NRG2: variants seen among roughly 807,000 people sequenced by gnomAD.
NRG2 encodes neuregulin 2.
In NRG2, 27 loss-of-function variants were observed where a neutral mutation model predicts 73.9. The observed-to-expected ratio is 0.37, with a 90% confidence interval of 0.27 to 0.50. NRG2 has a LOEUF of 0.50. NRG2 is among the 20% of genes least tolerant of loss of function. The pLI is 0.96. For synonymous variants in NRG2, 532 were observed against 541.0 expected, an observed-to-expected ratio of 0.98 and a Z score of 0.23; for missense variants, 1,126 against 1,210.1, an observed-to-expected ratio of 0.93 and a Z score of 1.03.
intron 1 of NRG2, among the ~76,000 whole-genome samples, chr5:140,013,795 G>A (rs1274340401): frequency 6.6e-6 from 1 of 152,068 alleles, no homozygotes. Flanking sequence ...CATCTAACTT[G>A]ACCCCTCAGC....
At chr5:139,958,956 AC>A (rs1469662181) in intron 1 of NRG2, among the ~76,000 whole-genome samples, 1 of 152,208 alleles carries the variant, frequency 6.6e-6, no homozygotes, top group Non-Finnish European at 1.5e-5. Flanking sequence ...CCCAGGCCCC[AC>A]AGCAAGCTTT....
intron 1 of NRG2, among the ~76,000 whole-genome samples, chr5:139,942,694 A>G (rs1753490717): frequency 6.6e-6 from 1 of 152,214 alleles, no homozygotes; most frequent in South Asian, 2.1e-4. Flanking sequence ...CAGCTCTTTG[A>G]ACAACTATTT....
chr5:139,988,843 G>A (rs555589928), intron 1 of NRG2, among the ~76,000 whole-genome samples: 6 of 151,998 alleles, frequency 3.9e-5, no homozygotes, highest in South Asian at 2.1e-4. Context: ...TACCACTCTC[G>A]TGGGGGATAT....
chr5:139,987,627 G>A (rs1229178903), intron 1 of NRG2, among the ~76,000 whole-genome samples: 1 of 152,154 alleles, frequency 6.6e-6, no homozygotes, highest in African/African-American at 2.4e-5. Context: ...TTTGAATGTA[G>A]AAAAGGACAG....
At chr5:140,011,747 C>T (rs1484453666) in intron 1 of NRG2, among the ~76,000 whole-genome samples, 4 of 152,176 alleles carry the variant, frequency 2.6e-5, no homozygotes, top group African/African-American at 9.7e-5. Flanking sequence ...GTGAAAGTCC[C>T]TAGACTGGAG....
At chr5:139,861,835 A>C (rs191440023) in intron 5 of NRG2, 1 of 475,710 alleles carries the variant, frequency 2.1e-6, no homozygotes, top group East Asian at 6.3e-5. Flanking sequence ...TGGAGAGCTC[A>C]CATTGTTTGG....
rs941434403 is a variant in NRG2, at chr5:139,856,818, C to G, written c.1190-1040G>C. Among the ~76,000 whole-genome samples the G allele has an allele frequency of 5.3e-5, 8 of 152,178 alleles. No homozygotes were observed. Among genetic ancestry groups the G allele is most frequent in the African/African-American group, 1.9e-4 (8 of 41,442 alleles). On this transcript the variant is annotated intron_variant, in intron 5 of 9. Transcript: ENST00000361474. This position sits in a 1 kb window ranked among gnomAD's most constrained non-coding sequence, Gnocchi z 4.2. ...CACACACCTGCACACACAACATATG[C>G]ACACACACAGAGTTAACCACACACT...
chr5:139,924,124 G>T (rs897249027), intron 1 of NRG2, among the ~76,000 whole-genome samples: 2 of 152,146 alleles, frequency 1.3e-5, no homozygotes, highest in African/African-American at 2.4e-5. Context: ...CCCATGTTCA[G>T]TTGCCACCTG....
intron 1 of NRG2, among the ~76,000 whole-genome samples, chr5:139,896,073 T>C (rs1261192579): frequency 2.0e-5 from 3 of 152,006 alleles, no homozygotes; most frequent in African/African-American, 7.3e-5. Flanking sequence ...CTTGGGGAAA[T>C]GTAGCAGGGG....
chr5:139,880,165 G>C (rs1763433612), intron 3 of NRG2, among the ~76,000 whole-genome samples: 2 of 152,156 alleles, frequency 1.3e-5, no homozygotes, highest in Admixed American at 6.5e-5. Flanking sequence ...AGAGTGGAGA[G>C]GGCACTGCCT....
Position 140,042,905 on chromosome 5 carries a change from G to T in NRG2, c.165C>A (p.Ser55Arg), listed in dbSNP as rs1270227789. 1 of 1,535,468 alleles carries T rather than the reference G, an allele frequency of 6.5e-7. No homozygotes were observed. The highest frequency in any genetic ancestry group is 8.8e-7 in the Non-Finnish European group (1 of 1,142,450). Residue 55 changes from serine (S) to arginine (R), a missense_variant, in exon 1 of 10, where the codon AGC becomes AGA. This residue lies in a region of NRG2 where 185 missense variants were observed against 149.0 expected (regional missense o/e 1.24). Transcript: ENST00000361474. ...CTGGGGGCGCAGCGGGACGAGAGAT[G>T]CTGCTGTTGTTGCTGCTGCTCCTGC... is the stretch of plus-strand genomic sequence containing the variant. ...SSSRSSSNNSSISRPAAPPEP... is the reference protein window; with the variant it reads ...SSSRSSSNNSRISRPAAPPEP...
chr5:140,042,289 GCAGCACCTCCCCGCCCCACCCCCATTCTC>G, intron 1 of NRG2, 52 bp downstream of exon 1: 1 of 504,090 alleles, frequency 2.0e-6, no homozygotes, highest in Non-Finnish European at 2.5e-6. Flanking sequence ...CCGGGCACCT[GCAGCACCTCCCCGCCCCACCCCCATTCTC>G]CACCACCTCG....
At chr5:139,861,032 T>C (rs1295664661) in intron 5 of NRG2, among the ~76,000 whole-genome samples, 3 of 152,218 alleles carry the variant, frequency 2.0e-5, no homozygotes, top group Admixed American at 6.5e-5. Context: ...ACCATTCTAA[T>C]GTAGCAGCCA....
chr5:139,989,945 C>T (rs963661614), intron 1 of NRG2, among the ~76,000 whole-genome samples: 4 of 150,236 alleles, frequency 2.7e-5, no homozygotes, highest in South Asian at 2.1e-4. Flanking sequence ...CCCACCACCA[C>T]GCCCAGCTAA....
chr5:140,023,581 C>T (rs1760415312), intron 1 of NRG2, among the ~76,000 whole-genome samples: 1 of 152,160 alleles, frequency 6.6e-6, no homozygotes, highest in Admixed American at 6.5e-5. Flanking sequence ...CTCTCAAGAT[C>T]AAGATATATG....
intron 1 of NRG2, among the ~76,000 whole-genome samples, chr5:140,018,700 C>T (rs904505583): frequency 3.9e-5 from 6 of 152,290 alleles, no homozygotes; most frequent in African/African-American, 7.2e-5. Flanking sequence ...GTGCCAAGGA[C>T]GCAGACGACC....
intron 1 of NRG2, among the ~76,000 whole-genome samples, chr5:139,913,658 C>T (rs999355952): frequency 6.6e-6 from 1 of 152,208 alleles, no homozygotes; most frequent in African/African-American, 2.4e-5. Flanking sequence ...ATGCTTGCTC[C>T]ACACCTGCTT....
rs758602394 is a variant in NRG2, at chr5:139,848,544, G to T, written c.1926C>A (p.Ala642=). Residue 642 remains alanine, a synonymous_variant, in exon 10 of 10, where the codon GCC becomes GCA. Transcript: ENST00000361474. ...PPAAPISYRL[A]EQQPLLRHPA... ...GGTGCCGCAGTAACGGCTGCTGCTC[G>T]GCCAGGCGGTAACTGATGGGCGCCG... 16 of 1,494,608 alleles carry T rather than the reference G, an allele frequency of 1.1e-5. No individual in the cohort carries two copies. The Admixed American group carries it at 2.2e-4, about 21-fold the overall frequency. 92.6% of individuals were successfully genotyped at this position (1,494,608 alleles called of 1,614,324 possible).
intron 1 of NRG2, among the ~76,000 whole-genome samples, chr5:139,889,009 C>T (rs959575922): frequency 7.2e-5 from 11 of 152,070 alleles, no homozygotes; most frequent in Non-Finnish European, 1.3e-4. Flanking sequence ...AACCCTTTCG[C>T]CTGGGTGTTA....
Sources: allele counts gnomAD v4.1 joint callset (sites outside exome capture counted in the v4.1 genomes callset), GRCh38; gene constraint gnomAD v4.1.1; regional missense constraint gnomAD v4.1.1; non-coding constraint Gnocchi (gnomAD v3.1); transcripts MANE v1.5; gene names NCBI Gene and HGNC (gene_info 2026-07-23, HGNC 2026-07-21).